Variants in RERG observed in about 807,000 individuals in gnomAD.
RERG encodes RAS like estrogen regulated growth inhibitor, also known as ras-related and estrogen-regulated growth inhibitor.
Under a neutral mutation model 23.2 loss-of-function variants are expected in RERG, and 25 were observed. That is an observed-to-expected ratio of 1.08 (90% CI 0.79 to 1.50). RERG has a LOEUF of 1.50. Ranked by LOEUF, RERG falls within the 40% of genes most tolerant of loss-of-function variation. RERG has a pLI of 0.00. For synonymous variants in RERG, 81 were observed against 89.1 expected (o/e 0.91, Z 0.51); for missense variants, 253 against 250.1 (o/e 1.01, Z -0.08).
At chr12:15,161,226 G>GAAAGAAAGAAAC (rs1565524246) in intron 2 of RERG, among the ~76,000 whole-genome samples, 65 of 123,520 alleles carry the variant, frequency 5.3e-4, no homozygotes, top group Admixed American at 1.2e-3. Flanking sequence ...AAGAAAGAAA[G>GAAAGAAAGAAAC]AAACAGGGGC....
At chr12:15,126,133 A>G (rs775593248) in intron 2 of RERG, among the ~76,000 whole-genome samples, 1 of 138,606 alleles carries the variant, frequency 7.2e-6, no homozygotes, top group African/African-American at 2.6e-5. Context: ...TATACCATAT[A>G]TATATATATA....
intron 2 of RERG, among the ~76,000 whole-genome samples, chr12:15,170,474 GCA>G (rs530251071): frequency 6.8e-4 from 103 of 152,064 alleles, no homozygotes; most frequent in Non-Finnish European, 1.2e-3. Flanking sequence ...TTTTTTAAAA[GCA>G]CATTTTCTGG....
intron 2 of RERG, among the ~76,000 whole-genome samples, chr12:15,163,121 C>A (rs1191701945): frequency 6.6e-6 from 1 of 152,140 alleles, no homozygotes; most frequent in Admixed American, 6.5e-5. Flanking sequence ...GAGACTATAG[C>A]ACTTTCTTTT....
In RERG at chr12:15,108,864, T is replaced by C; in HGVS notation, c.*246A>G. The C allele has an allele frequency of 2.6e-6, 1 of 391,108 alleles. No individual in the cohort carries two copies. The highest frequency in any genetic ancestry group is 4.5e-6 in the Non-Finnish European group (1 of 222,752). 24.2% of individuals were successfully genotyped at this position (391,108 alleles called of 1,614,324 possible). A position where few individuals can be genotyped will look rare whatever the true frequency, so the allele number is the denominator to read the frequency against. On this transcript the variant is annotated 3_prime_UTR_variant, in exon 5 of 5. Coordinates refer to ENST00000256953, the MANE Select transcript of RERG (RefSeq NM_032918.3). ...AACATAAACCAGTCATTTCAGAATC[T>C]CTGGTGATTACATGTTCAAATGCCA...
intron 2 of RERG, among the ~76,000 whole-genome samples, chr12:15,161,816 C>T (rs563471144): frequency 6.6e-6 from 1 of 152,202 alleles, no homozygotes; most frequent in East Asian, 1.9e-4. Flanking sequence ...TTACCATGTG[C>T]CAAGCACTGT....
At chr12:15,213,092 A>T (rs1161124352) in intron 2 of RERG, among the ~76,000 whole-genome samples, 1 of 152,214 alleles carries the variant, frequency 6.6e-6, no homozygotes, top group Non-Finnish European at 1.5e-5. Context: ...GAATTACAGG[A>T]TAGCATTACT....
At chr12:15,168,367 T>C (rs7956773) in intron 2 of RERG, among the ~76,000 whole-genome samples, 44,350 of 152,006 alleles carry the variant, frequency 0.29, 8,216 homozygotes, top group African/African-American at 0.53. Context: ...AGCTCAAACG[T>C]TTACTGGTTC....
At chr12:15,170,864 G>A (rs1242535655) in intron 2 of RERG, among the ~76,000 whole-genome samples, 1 of 152,176 alleles carries the variant, frequency 6.6e-6, no homozygotes, top group Non-Finnish European at 1.5e-5. Context: ...AAAAATCACA[G>A]TTAATATAAA....
intron 2 of RERG, among the ~76,000 whole-genome samples, chr12:15,130,568 A>C (rs981865143): frequency 2.0e-5 from 3 of 152,200 alleles, no homozygotes; most frequent in African/African-American, 7.2e-5. Context: ...CATTGAAAAA[A>C]AAAACCATTT....
intron 2 of RERG, among the ~76,000 whole-genome samples, chr12:15,165,530 G>T (rs1024881879): frequency 6.6e-6 from 1 of 152,162 alleles, no homozygotes; most frequent in Non-Finnish European, 1.5e-5. Context: ...CTGCCCTTGG[G>T]CAAGTTGTTT....
intron 3 of RERG, among the ~76,000 whole-genome samples, chr12:15,112,631 ATGAT>A (rs1863641321): frequency 6.6e-6 from 1 of 152,220 alleles, no homozygotes; most frequent in Non-Finnish European, 1.5e-5. Flanking sequence ...GAATGAATGA[ATGAT>A]TGACCTGATG....
intron 2 of RERG, among the ~76,000 whole-genome samples, chr12:15,179,932 C>T (rs954091907): frequency 2.0e-5 from 3 of 152,142 alleles, no homozygotes; most frequent in Admixed American, 6.5e-5. Flanking sequence ...CCCACATCAT[C>T]TGGGTCAGGG....
intron 1 of RERG, among the ~76,000 whole-genome samples, chr12:15,218,674 T>C (rs1440010893): frequency 6.6e-6 from 1 of 151,842 alleles, no homozygotes; most frequent in Non-Finnish European, 1.5e-5. Context: ...TCAAAACAAG[T>C]CAACTTTTTC....
At chr12:15,215,178 T>C (rs1865423163) in intron 2 of RERG, among the ~76,000 whole-genome samples, 1 of 152,200 alleles carries the variant, frequency 6.6e-6, no homozygotes. Flanking sequence ...AGAAACTTAG[T>C]GAGCAATTTC....
At chr12:15,149,697 T>C (rs1175959842) in intron 2 of RERG, among the ~76,000 whole-genome samples, 1 of 152,194 alleles carries the variant, frequency 6.6e-6, no homozygotes, top group Non-Finnish European at 1.5e-5. Context: ...ACATAGATGA[T>C]TCTTAGGTTA....
At chr12:15,112,922 A>T (rs1863648880) in intron 3 of RERG, among the ~76,000 whole-genome samples, 1 of 152,192 alleles carries the variant, frequency 6.6e-6, no homozygotes, top group Non-Finnish European at 1.5e-5. Context: ...TCTATATCTA[A>T]ACCTATTATG....
chr12:15,159,215 T>C lies in RERG; in HGVS notation c.62-38096A>G, dbSNP rs145131278. On this transcript the variant is annotated intron_variant, in intron 2 of 4. Transcript: ENST00000256953. ...TGTTCAATGGATTGTAATCCATTAC[T>C]GACATTACTTTGTCTCAGAAGTCAC... 6.9e-3 allele frequency among the ~76,000 whole-genome samples: 1,044 copies of C among 152,326 alleles called. 7 individuals are homozygous for C. Among genetic ancestry groups the C allele is most frequent in the Non-Finnish European group, 0.01 (710 of 68,044 alleles).
At chr12:15,148,399 C>A (rs188921893) in intron 2 of RERG, among the ~76,000 whole-genome samples, 10 of 151,972 alleles carry the variant, frequency 6.6e-5, no homozygotes, top group South Asian at 2.1e-4. Context: ...GGTAGAAATG[C>A]GGGGGGGAAA....
chr12:15,212,039 AAACTTTTTTTTT>A (rs1865372991), intron 2 of RERG, among the ~76,000 whole-genome samples: 1 of 111,016 alleles, frequency 9.0e-6, no homozygotes, highest in African/African-American at 3.0e-5. Context: ...AGCCACGAAT[AAACTTTTTTTTT>A]TTTTTTTTTT....
Sources: allele counts gnomAD v4.1 joint callset (sites outside exome capture counted in the v4.1 genomes callset), GRCh38; gene constraint gnomAD v4.1.1; transcripts MANE v1.5; gene names NCBI Gene and HGNC (gene_info 2026-07-23, HGNC 2026-07-21).